The following BCKDHB variants were observed in gnomAD, a reference collection of about 807,000 sequenced individuals.
BCKDHB encodes the protein 2-oxoisovalerate dehydrogenase subunit beta, mitochondrial.
A neutral mutation model predicts 48.5 loss-of-function variants in BCKDHB; 41 were observed. The ratio of observed to expected loss-of-function variants is 0.85; its 90% CI spans 0.66 to 1.10. The LOEUF (loss-of-function observed/expected upper bound fraction) is 1.10, where lower values mean the gene tolerates loss of function less well. BCKDHB is among the 50% of genes least tolerant of loss of function. BCKDHB has a pLI of 0.00. For synonymous variants in BCKDHB, 201 were observed against 174.8 expected (o/e 1.15, Z -1.18); for missense variants, 496 against 494.2 (o/e 1.00, Z -0.03).
chr6:80,348,201 G>A (rs9352825), downstream of BCKDHB, among the ~76,000 whole-genome samples: 31,113 of 151,510 alleles, frequency 0.21, 3,642 homozygotes, highest in South Asian at 0.37. Flanking sequence ...CTAACTAAAA[G>A]TTCTGTGTAT....
At chr6:80,291,086 T>A (rs550028692) in intron 9 of BCKDHB, among the ~76,000 whole-genome samples, 30 of 152,210 alleles carry the variant, frequency 2.0e-4, no homozygotes, top group Non-Finnish European at 3.8e-4. Context: ...TATCTCATCC[T>A]GTGAATTGGA....
chr6:80,122,598 GT>G (rs1770090425), intron 1 of BCKDHB, among the ~76,000 whole-genome samples: 1 of 152,124 alleles, frequency 6.6e-6, no homozygotes, highest in Non-Finnish European at 1.5e-5. Flanking sequence ...AAACCAACAA[GT>G]TTTTTATTAA....
chr6:80,260,492 T>C (rs550867606), intron 8 of BCKDHB, among the ~76,000 whole-genome samples: 12 of 152,218 alleles, frequency 7.9e-5, no homozygotes, highest in Non-Finnish European at 1.0e-4. Context: ...AGAAGTACGG[T>C]ACATCACCAA....
At chr6:80,358,872 A>C in the BCKDHB span, among the ~76,000 whole-genome samples, 1 of 152,204 alleles carries the variant, frequency 6.6e-6, no homozygotes, top group Admixed American at 6.5e-5. Context: ...TGTGACTATC[A>C]TAAAATAAAT....
the BCKDHB span, among the ~76,000 whole-genome samples, chr6:80,380,548 C>T: frequency 3.3e-5 from 5 of 151,704 alleles, no homozygotes; most frequent in Non-Finnish European, 5.9e-5. Context: ...TGATGAAACC[C>T]AAAAGCACAA....
At chr6:80,216,701 C>T (rs1215119590) in intron 8 of BCKDHB, among the ~76,000 whole-genome samples, 2 of 152,132 alleles carry the variant, frequency 1.3e-5, no homozygotes, top group Non-Finnish European at 2.9e-5. Flanking sequence ...CTTAGTTTAA[C>T]ATTTTAGGTG....
the BCKDHB span, among the ~76,000 whole-genome samples, chr6:80,412,555 C>A: frequency 1.3e-5 from 2 of 152,202 alleles, no homozygotes; most frequent in African/African-American, 4.8e-5. Flanking sequence ...AAGTGATTTA[C>A]ATACTATCAT....
At chr6:80,168,074 G>A (rs1171835769) in intron 4 of BCKDHB, among the ~76,000 whole-genome samples, 1 of 151,984 alleles carries the variant, frequency 6.6e-6, no homozygotes, top group Admixed American at 6.6e-5. Context: ...GAGGCCAAGA[G>A]TTCAACACCA....
chr6:80,415,826 G>C, the BCKDHB span, among the ~76,000 whole-genome samples: 1 of 151,712 alleles, frequency 6.6e-6, no homozygotes, highest in East Asian at 1.9e-4. Flanking sequence ...CAATTTTTTG[G>C]TCTAGTTTCC....
At chr6:80,397,117 C>T in the BCKDHB span, among the ~76,000 whole-genome samples, 4 of 152,076 alleles carry the variant, frequency 2.6e-5, no homozygotes, top group African/African-American at 9.7e-5. Flanking sequence ...TTATAATTTA[C>T]CTGAGTTTTT....
At chr6:80,429,140 G>A in the BCKDHB span, among the ~76,000 whole-genome samples, 9 of 152,124 alleles carry the variant, frequency 5.9e-5, no homozygotes, top group South Asian at 4.1e-4. Flanking sequence ...TCCTTTCCCC[G>A]TTGCTTGTTT....
the BCKDHB span, among the ~76,000 whole-genome samples, chr6:80,391,087 A>C: frequency 0.064 from 9,710 of 152,148 alleles, 890 homozygotes; most frequent in African/African-American, 0.2. Flanking sequence ...AAGTTTGCCA[A>C]CAGCCAAGCA....
intron 6 of BCKDHB, among the ~76,000 whole-genome samples, chr6:80,176,445 C>T (rs1036318873): frequency 6.6e-6 from 1 of 152,078 alleles, no homozygotes; most frequent in Non-Finnish European, 1.5e-5. Flanking sequence ...TTTAACTTTT[C>T]TTTGATGATT....
chr6:80,193,232 ATTTGAG>A (rs1773980247), intron 6 of BCKDHB, among the ~76,000 whole-genome samples: 1 of 152,138 alleles, frequency 6.6e-6, no homozygotes, highest in Non-Finnish European at 1.5e-5. Flanking sequence ...ATTAGACTGC[ATTTGAG>A]TTTAAGTGGG....
intron 8 of BCKDHB, among the ~76,000 whole-genome samples, chr6:80,209,999 G>A (rs558565782): frequency 3.0e-4 from 45 of 152,010 alleles, no homozygotes; most frequent in African/African-American, 1.1e-3. Flanking sequence ...CAATAATGTG[G>A]AGCAATTCAA....
At chr6:80,346,396 C>T (rs1770201390), downstream of BCKDHB, 1 of 152,056 alleles carries the variant, frequency 6.6e-6, no homozygotes, top group Non-Finnish European at 1.5e-5. Context: ...GGTGACTTCT[C>T]AACTTTATTG....
At chr6:80,112,860 G>C (rs887115268) in intron 1 of BCKDHB, among the ~76,000 whole-genome samples, 1 of 152,190 alleles carries the variant, frequency 6.6e-6, no homozygotes, top group Non-Finnish European at 1.5e-5. Context: ...AGGTGATGGC[G>C]TACTATGAAA....
the BCKDHB span, among the ~76,000 whole-genome samples, chr6:80,438,410 T>C: frequency 6.6e-6 from 1 of 152,230 alleles, no homozygotes; most frequent in Non-Finnish European, 1.5e-5. Context: ...GTATTTGAAA[T>C]TCATGTCTTT....
chr6:80,374,297 CA>C, the BCKDHB span: 4 of 945,788 alleles, frequency 4.2e-6, no homozygotes, highest in Non-Finnish European at 5.2e-6. Flanking sequence ...GCATGTGCAG[CA>C]AAAATTCAGC....
Sources: gnomAD v4.1 joint callset for allele counts (sites outside exome capture counted in the v4.1 genomes callset) on GRCh38, gnomAD v4.1.1 for gene constraint, MANE v1.5 for transcripts, NCBI Gene and HGNC (gene_info 2026-07-23, HGNC 2026-07-21) for gene names.